VWDE: variants seen among roughly 807,000 people sequenced by gnomAD.
VWDE encodes von Willebrand factor D and EGF domains.
A neutral mutation model predicts 178.4 loss-of-function variants in VWDE; 207 were observed. The ratio of observed to expected loss-of-function variants is 1.16; its 90% CI spans 1.04 to 1.30. The LOEUF is 1.30. VWDE is among the 50% of genes most tolerant of loss of function. The probability of loss-of-function intolerance (pLI) is 0.00; values close to 1 mark genes in which losing one functional copy is unlikely to be tolerated. For synonymous variants in VWDE, 738 were observed against 651.4 expected (o/e 1.13, Z -2.02); for missense variants, 2,287 against 1,901.3 (o/e 1.20, Z -3.77).
rs1783069047 is a variant in VWDE, at chr7:12,369,827, G to C, written c.2479C>G (p.Leu827Val). ...SSIGRLCLAF[L>V]GKRLDSVIEM... ...ATAACACTGTCTAATCTCTTGCCAA[G>C]AAAAGCAAGACACAGCCTTCCTATG... The change falls in exon 12 of 29, where the codon CTT (leucine) becomes GTT (valine). Residue 827 changes from leucine to valine, a missense_variant. By Grantham distance (32) the Leu-to-Val change is conservative. Transcript: ENST00000275358. 5 of 1,551,354 alleles carry C rather than the reference G, an allele frequency of 3.2e-6. No homozygotes were observed. Among genetic ancestry groups the C allele is most frequent in the African/African-American group, 1.4e-5 (1 of 72,994 alleles).
intron 1 of VWDE, among the ~76,000 whole-genome samples, chr7:12,398,292 A>G (rs1369111983): frequency 6.6e-6 from 1 of 152,188 alleles, no homozygotes; most frequent in Non-Finnish European, 1.5e-5. Context: ...TTAAAACTTC[A>G]GAAAGTTTAC....
intron 18 of VWDE, among the ~76,000 whole-genome samples, chr7:12,353,289 T>C (rs746173273): frequency 6.6e-6 from 1 of 152,202 alleles, no homozygotes; most frequent in Non-Finnish European, 1.5e-5. Flanking sequence ...ACAAGCTCTC[T>C]GGTGTCTCTT....
At chr7:12,378,238 T>C (rs1175301553) in intron 6 of VWDE, among the ~76,000 whole-genome samples, 1 of 152,176 alleles carries the variant, frequency 6.6e-6, no homozygotes, top group East Asian at 1.9e-4. Flanking sequence ...AAAGAAATAT[T>C]TCTATTTTCT....
At chr7:12,384,644 T>C (rs867539934) in intron 3 of VWDE, among the ~76,000 whole-genome samples, 20 of 152,092 alleles carry the variant, frequency 1.3e-4, no homozygotes, top group Middle Eastern at 3.2e-3. Flanking sequence ...TGAAACACAC[T>C]ATAATCTCCA....
chr7:12,371,003 C>A (rs1783168625), intron 10 of VWDE, 139 bp from the exon 11 acceptor site: 1 of 736,994 alleles, frequency 1.4e-6, no homozygotes, highest in Non-Finnish European at 2.0e-6. Flanking sequence ...ATTTTCTTGA[C>A]TACAACTTTC....
At chr7:12,345,090 A>T (rs73294391) in intron 19 of VWDE, among the ~76,000 whole-genome samples, 2,602 of 152,240 alleles carry the variant, frequency 0.017, 69 homozygotes, top group African/African-American at 0.059. Flanking sequence ...GACACAGTTG[A>T]TACAAAATGT....
chr7:12,402,603 C>G (rs62448594), intron 1 of VWDE, among the ~76,000 whole-genome samples: 15,169 of 152,078 alleles, frequency 0.1, 1,044 homozygotes, highest in Non-Finnish European at 0.14. Flanking sequence ...AAATATTTAT[C>G]TAACTGTAAT....
At chr7:12,372,059 T>A (rs1387499831) in intron 10 of VWDE, among the ~76,000 whole-genome samples, 1 of 152,144 alleles carries the variant, frequency 6.6e-6, no homozygotes, top group Non-Finnish European at 1.5e-5. Flanking sequence ...CTTCCTGATA[T>A]TGTATGAAAG....
intron 5 of VWDE, 133 bp from the exon 6 acceptor site, chr7:12,379,699 A>T (rs954862719): frequency 5.2e-6 from 3 of 579,994 alleles, no homozygotes; most frequent in Admixed American, 7.0e-5. Context: ...TAAATAATTT[A>T]AAAGCTTACT....
chr7:12,403,615 C>A (rs767543751), intron 1 of VWDE, 44 bp downstream of exon 1: 3 of 1,521,406 alleles, frequency 2.0e-6, no homozygotes, highest in Admixed American at 4.0e-5. Context: ...ACCGCCCACG[C>A]GGCGCCACTG....
At chr7:12,336,827 C>T (rs1228716392) in intron 26 of VWDE, among the ~76,000 whole-genome samples, 161 bp downstream of exon 26, 1 of 152,168 alleles carries the variant, frequency 6.6e-6, no homozygotes, top group Non-Finnish European at 1.5e-5. Context: ...AGAGTAAAAA[C>T]TCTTTGTGTT....
chr7:12,380,462 AAATGCAAC>A lies in VWDE; in HGVS notation c.789+16_789+23del. On this transcript the variant is annotated intron_variant, in intron 5 of 28. Coordinates refer to ENST00000275358, the MANE Select transcript of VWDE (RefSeq NM_001135924.3). ...GAAAATCAATACATTCATGAAAATAAAATGCAACTGTTTTTTAACATACCCTGTCTCCA... is the reference window on the plus strand; with the variant it reads ...GAAAATCAATACATTCATGAAAATAATGTTTTTTAACATACCCTGTCTCCA... 6.5e-7 allele frequency: 1 copy of A among 1,537,114 alleles called. No individual in the cohort carries two copies. Among genetic ancestry groups the A allele is most frequent in the Middle Eastern group, 1.7e-4 (1 of 5,906 alleles).
intron 16 of VWDE, among the ~76,000 whole-genome samples, chr7:12,358,365 TTC>T (rs1404072958): frequency 1.2e-5 from 1 of 80,824 alleles, no homozygotes; most frequent in Non-Finnish European, 2.4e-5. Context: ...CAGAATGAGA[TTC>T]TGTCTCAAAA....
intron 13 of VWDE, among the ~76,000 whole-genome samples, chr7:12,363,545 CA>C (rs1271836351): frequency 6.6e-6 from 1 of 151,578 alleles, no homozygotes; most frequent in African/African-American, 2.4e-5. Flanking sequence ...ACTACTAATA[CA>C]AAAGTAGAAA....
intron 1 of VWDE, among the ~76,000 whole-genome samples, chr7:12,396,884 A>G (rs1208364123): frequency 6.6e-6 from 1 of 152,160 alleles, no homozygotes; most frequent in Non-Finnish European, 1.5e-5. Context: ...GCAGTTGGCC[A>G]AGGTCATGCC....
In VWDE at chr7:12,359,803, A is replaced by T. The variant is rs1459625213; in HGVS notation, c.3160-111T>A. On this transcript the variant is annotated intron_variant, in intron 15 of 28. Transcript: ENST00000275358. ...TGATGATTCCAACGAAAGCACATAC[A>T]TCTATTTTGATACTTCATAATCGTA... 3 of 610,288 alleles carry T rather than the reference A, an allele frequency of 4.9e-6. No homozygotes were observed. In the Admixed American group the frequency reaches 9.1e-5, roughly 18 times the overall value. The allele number at this position is 610,288 out of a possible 1,614,324, so 37.8% of individuals were successfully genotyped here.
At chr7:12,365,850 A>G (rs1324091967) in intron 13 of VWDE, among the ~76,000 whole-genome samples, 1 of 152,144 alleles carries the variant, frequency 6.6e-6, no homozygotes, top group Non-Finnish European at 1.5e-5. Context: ...AGTTTGGGCA[A>G]GTGAACATCT....
Position 12,380,599 on chromosome 7 carries a change from C to T in VWDE, c.676G>A (p.Ala226Thr). 6.4e-7 allele frequency: 1 copy of T among 1,552,304 alleles called. No individual in the cohort carries two copies. The highest frequency in any genetic ancestry group is 8.7e-7 in the Non-Finnish European group (1 of 1,147,136). ...TCTTGAGAAGAAAGCCTAGACCAAG[C>T]TATGTGAAATCCCACTGAGTTTTTT... ...ATKNSVGFHI[A>T]WSRLSSQEVK... is the part of the protein sequence containing the mutation. Residue 226 changes from alanine to threonine, a missense_variant, in exon 5 of 29, where the codon GCT becomes ACT. By Grantham distance (58) the Ala-to-Thr change is moderately conservative. Transcript: ENST00000275358.
In VWDE at chr7:12,332,043, G is replaced by C. The variant is rs968018229; in HGVS notation, c.4759-846C>G. On this transcript the variant is annotated intron_variant, in intron 28 of 28. Transcript: ENST00000275358. ...GTTAGCCAGTCTGAACCCTCCTTTGGGGAAGGTAGGGAAGAGGGGAGCAAG... is the reference window on the plus strand; with the variant it reads ...GTTAGCCAGTCTGAACCCTCCTTTGCGGAAGGTAGGGAAGAGGGGAGCAAG... 2.6e-5 allele frequency among the ~76,000 whole-genome samples: 4 copies of C among 152,176 alleles called. No individual in the cohort carries two copies. In the East Asian group the frequency reaches 7.7e-4, roughly 29 times the overall value.
Sources: gnomAD v4.1 joint callset for allele counts (sites outside exome capture counted in the v4.1 genomes callset) on GRCh38, gnomAD v4.1.1 for gene constraint, MANE v1.5 for transcripts, NCBI Gene and HGNC (gene_info 2026-07-23, HGNC 2026-07-21) for gene names.